Variants in KIAA1143 observed in about 807,000 individuals in gnomAD.
KIAA1143 encodes uncharacterized protein KIAA1143.
A neutral mutation model predicts 17.0 loss-of-function variants in KIAA1143; 8 were observed. The observed-to-expected ratio is 0.47, with a 90% CI of 0.28 to 0.85. The LOEUF (loss-of-function observed/expected upper bound fraction) is 0.85, where lower values mean the gene tolerates loss of function less well. Among genes scored for constraint, KIAA1143 ranks in the 40% least tolerant of loss-of-function variants. The pLI is 0.12. For missense variants in KIAA1143, 162 were observed against 183.3 expected (o/e 0.88, Z 0.67); for synonymous variants, 64 against 67.8 (o/e 0.94, Z 0.27).
intron 1 of KIAA1143, among the ~76,000 whole-genome samples, chr3:44,756,372 C>T (rs1178494296): frequency 6.6e-6 from 1 of 152,138 alleles, no homozygotes; most frequent in East Asian, 1.9e-4. Flanking sequence ...ACTAGCCTGG[C>T]AAACATGGTG....
In KIAA1143 at chr3:44,751,543, T is replaced by A. The variant is rs1350415112; in HGVS notation, c.*1798A>T. The A allele has an allele frequency of 2.6e-5, 4 of 152,196 alleles. No individual in the cohort carries two copies. Among genetic ancestry groups the A allele is most frequent in the Non-Finnish European group, 5.9e-5 (4 of 68,032 alleles). The allele number at this position is 152,196 out of a possible 1,614,324, so 9.4% of individuals were successfully genotyped here. On this transcript the variant is annotated 3_prime_UTR_variant, in exon 3 of 3. Coordinates refer to ENST00000296121, the MANE Select transcript of KIAA1143 (RefSeq NM_020696.4). Reference sequence around the variant, plus strand: ...ATTTTCCTAGAAGAAGAATGCTGTTTTGATGTCAACCAATCAGGATTAGTA... The same window carrying A: ...ATTTTCCTAGAAGAAGAATGCTGTTATGATGTCAACCAATCAGGATTAGTA...
intron 1 of KIAA1143, among the ~76,000 whole-genome samples, chr3:44,760,482 T>C (rs1705070824): frequency 6.6e-6 from 1 of 151,240 alleles, no homozygotes; most frequent in African/African-American, 2.5e-5. Flanking sequence ...CTCCTCCTCC[T>C]GGGTTCACGC....
chr3:44,753,508 G>A lies in KIAA1143; in HGVS notation c.298C>T (p.Pro100Ser). Reference sequence around the variant, plus strand: ...TTTTCATCTGAGGGATGCTTGACTGGTTTTCGATATATGATTCTTCCATCG... The same window carrying A: ...TTTTCATCTGAGGGATGCTTGACTGATTTTCGATATATGATTCTTCCATCG... ...PADGRIIYRK[P>S]VKHPSDEKYS... The change falls in exon 3 of 3, where the codon CCA becomes TCA. Residue 100 changes from proline (P) to serine (S), a missense_variant. Coordinates refer to ENST00000296121, the MANE Select transcript of KIAA1143 (RefSeq NM_020696.4). 6.2e-7 allele frequency: 1 copy of A among 1,612,278 alleles called. No homozygotes were observed. The highest frequency in any genetic ancestry group is 8.5e-7 in the Non-Finnish European group (1 of 1,178,660).
intron 1 of KIAA1143, among the ~76,000 whole-genome samples, chr3:44,755,108 A>ACTGTAC (rs1704951183): frequency 6.6e-6 from 1 of 152,228 alleles, no homozygotes; most frequent in Non-Finnish European, 1.5e-5. Flanking sequence ...CTCAAAAAAT[A>ACTGTAC]TCTTTGTACA....
chr3:44,757,790 T>C (rs80340755), intron 1 of KIAA1143, among the ~76,000 whole-genome samples: 7,042 of 152,316 alleles, frequency 0.046, 196 homozygotes, highest in Middle Eastern at 0.082. Flanking sequence ...ACATGGCATT[T>C]TGGAGATCCA....
chr3:44,759,446 C>T (rs1370642220), intron 1 of KIAA1143, among the ~76,000 whole-genome samples: 3 of 152,114 alleles, frequency 2.0e-5, no homozygotes, highest in African/African-American at 7.2e-5. Flanking sequence ...ATTTCTAGAG[C>T]ACAGGCAGAG....
At chr3:44,753,653 T>C in intron 2 of KIAA1143, 101 bp from the exon 3 acceptor site, 1 of 1,139,494 alleles carries the variant, frequency 8.8e-7, no homozygotes. Context: ...TTTAAGGATA[T>C]CCCTGAATCT....
rs188271065 is a variant in KIAA1143, at chr3:44,753,136, C to G, written c.*205G>C. ...ATATACAACCACACAAGGGAAATAA[C>G]AAAATGTTAATACTAGCTAATTTCT... is the stretch of plus-strand genomic sequence containing the variant. On this transcript the variant is annotated 3_prime_UTR_variant, in exon 3 of 3. Coordinates refer to ENST00000296121, the MANE Select transcript of KIAA1143 (RefSeq NM_020696.4). 3.5e-4 allele frequency: 148 copies of G among 418,772 alleles called. No homozygotes were observed. The highest frequency in any genetic ancestry group is 2.7e-3 in the African/African-American group (133 of 49,346). The allele number at this position is 418,772 out of a possible 1,614,324, so 25.9% of individuals were successfully genotyped here.
At chr3:44,756,089 T>G (rs1048005708) in intron 1 of KIAA1143, among the ~76,000 whole-genome samples, 2 of 152,266 alleles carry the variant, frequency 1.3e-5, no homozygotes, top group East Asian at 3.8e-4. Flanking sequence ...TAGCCAAAAA[T>G]ATGGGAAAGT....
At chr3:44,758,299 G>C (rs1282817907) in intron 1 of KIAA1143, among the ~76,000 whole-genome samples, 3 of 152,100 alleles carry the variant, frequency 2.0e-5, no homozygotes, top group Non-Finnish European at 4.4e-5. Context: ...TTGCTGCATT[G>C]AGTCTTCCTT....
At chr3:44,754,785 G>A (rs536703359) in intron 1 of KIAA1143, among the ~76,000 whole-genome samples, 6 of 152,240 alleles carry the variant, frequency 3.9e-5, no homozygotes, top group South Asian at 4.2e-4. Flanking sequence ...CAAGTAAAAC[G>A]TACTCTCTCT....
chr3:44,754,547 C>G (rs146942798), intron 1 of KIAA1143, among the ~76,000 whole-genome samples, 179 bp from the exon 2 acceptor site: 1 of 152,206 alleles, frequency 6.6e-6, no homozygotes, highest in Non-Finnish European at 1.5e-5. Flanking sequence ...ACAGGTTTAA[C>G]TGCCATTCAG....
At position 44,750,574 on chromosome 3, in the gene KIAA1143, A is replaced by G. The variant is rs1704880923; in HGVS notation, c.*2767T>C. ...TGATCCTTCTCAAAAAAAAAAAGTG[A>G]CTTATAATCAGCTACAGTCCAAGGC... On this transcript the variant is annotated 3_prime_UTR_variant, in exon 3 of 3. Coordinates refer to ENST00000296121, the MANE Select transcript of KIAA1143 (RefSeq NM_020696.4). 1 of 127,600 alleles carries G rather than the reference A, an allele frequency of 7.8e-6. No homozygotes were observed. The allele number at this position is 127,600 out of a possible 1,614,324, so 7.9% of individuals were successfully genotyped here.
chr3:44,757,783 T>C (rs1368353000), intron 1 of KIAA1143, among the ~76,000 whole-genome samples: 2 of 152,216 alleles, frequency 1.3e-5, no homozygotes, highest in African/African-American at 4.8e-5. Context: ...TTAAAGAACA[T>C]GGCATTTTGG....
rs779884915 is a variant in KIAA1143, at chr3:44,761,487, A to C, written c.108+8T>G. The C allele has an allele frequency of 6.2e-6, 10 of 1,605,058 alleles. No homozygotes were observed. The highest frequency in any genetic ancestry group is 8.5e-6 in the Non-Finnish European group (10 of 1,174,110). On this transcript the variant is annotated splice_region_variant and intron_variant, in intron 1 of 2. Coordinates refer to ENST00000296121, the MANE Select transcript of KIAA1143 (RefSeq NM_020696.4). ...GCTTCCGAAGAAACACGACTGGCGA[A>C]GGCTCACCTTAGTCTCTACGGTGGG...
chr3:44,754,348 T>TG lies in KIAA1143; in HGVS notation c.128dup (p.Asp44ArgfsTer2). ...TGTCACTGTGATCCCCATCTTCATC[T>TG]GGGGGCTGAGGCTGAATTCTCTAGG... On this transcript the variant is annotated frameshift_variant, in exon 2 of 3. Transcript: ENST00000296121. LOFTEE classifies it high-confidence loss of function. 1 of 1,614,078 alleles carries TG rather than the reference T, an allele frequency of 6.2e-7. No individual in the cohort carries two copies.
intron 1 of KIAA1143, 22 bp from the exon 2 acceptor site, chr3:44,754,390 A>AT (rs1458868833): frequency 6.2e-7 from 1 of 1,607,856 alleles, no homozygotes; most frequent in East Asian, 2.2e-5. Context: ...CACAAATACA[A>AT]TGTGTAGATC....
At position 44,750,366 on chromosome 3, in the gene KIAA1143, G is replaced by T. The variant is rs980312708; in HGVS notation, c.*2975C>A. ...TGTTTAGCTTCCTTTGGGTTATACT[G>T]ATAGAGATTTGTTGTTAATATGTGT... On this transcript the variant is annotated 3_prime_UTR_variant, in exon 3 of 3. Coordinates refer to ENST00000296121, the MANE Select transcript of KIAA1143 (RefSeq NM_020696.4). 6.6e-6 allele frequency: 1 copy of T among 151,996 alleles called. No homozygotes were observed. Among genetic ancestry groups the T allele is most frequent in the African/African-American group, 2.4e-5 (1 of 41,364 alleles). The allele number at this position is 151,996 out of a possible 1,614,324, so 9.4% of individuals were successfully genotyped here. A position where few individuals can be genotyped will look rare whatever the true frequency, so the allele number is the denominator to read the frequency against.
At position 44,753,476 on chromosome 3, in the gene KIAA1143, T is replaced by C. The variant is rs1704922004; in HGVS notation, c.330A>G (p.Ser110=). ...PVKHPSDEKY[S]GLTASSKKKK... is the part of the protein sequence containing the mutation. ...TCTTTTTTGAGCTTGCTGTTAAACCTGAATATTTTTCATCTGAGGGATGCT... is the reference window on the plus strand; with the variant it reads ...TCTTTTTTGAGCTTGCTGTTAAACCCGAATATTTTTCATCTGAGGGATGCT... Residue 110 remains serine (S), a synonymous_variant, in exon 3 of 3, where the codon TCA becomes TCG. Transcript: ENST00000296121. 3.7e-6 allele frequency: 6 copies of C among 1,611,606 alleles called. No homozygotes were observed. Among genetic ancestry groups the C allele is most frequent in the Non-Finnish European group, 4.2e-6 (5 of 1,178,020 alleles).
Sources: gnomAD v4.1 joint callset for allele counts (sites outside exome capture counted in the v4.1 genomes callset) on GRCh38, gnomAD v4.1.1 for gene constraint, MANE v1.5 for transcripts, NCBI Gene and HGNC (gene_info 2026-07-23, HGNC 2026-07-21) for gene names.